ZFHX3: variants seen among roughly 807,000 people sequenced by gnomAD.
The protein encoded by ZFHX3 is zinc finger homeobox 3, also known as zinc finger homeobox protein 3.
Under a neutral mutation model 279.1 loss-of-function variants are expected in ZFHX3, and 42 were observed. The observed-to-expected ratio is 0.15, with a 90% CI of 0.12 to 0.19. The LOEUF (loss-of-function observed/expected upper bound fraction) is 0.19, where lower values mean the gene tolerates loss of function less well. Among genes scored for constraint, ZFHX3 ranks in the 10% least tolerant of loss-of-function variants. The pLI, the probability that ZFHX3 is intolerant of heterozygous loss-of-function variation, is 1.00. For missense variants in ZFHX3, 4,981 were observed against 4,754.0 expected (o/e 1.05, Z -1.40); for synonymous variants, 2,293 against 1,957.8 (o/e 1.17, Z -4.52).
At chr16:73,875,825 C>A (rs2029929657) in intron 1 of ZFHX3, among the ~76,000 whole-genome samples, 1 of 152,188 alleles carries the variant, frequency 6.6e-6, no homozygotes, top group African/African-American at 2.4e-5. Flanking sequence ...CACCATTAAT[C>A]ATCAATGACA....
intron 1 of ZFHX3, among the ~76,000 whole-genome samples, chr16:73,764,924 A>G (rs896465981): frequency 2.6e-5 from 4 of 152,256 alleles, no homozygotes; most frequent in African/African-American, 9.6e-5. Flanking sequence ...TGTCCTCTAG[A>G]AGTCAATGCC....
chr16:73,872,759 G>A (rs1424356932), intron 1 of ZFHX3, among the ~76,000 whole-genome samples: 1 of 79,872 alleles, frequency 1.3e-5, no homozygotes, highest in Non-Finnish European at 2.4e-5. Flanking sequence ...GGGGTTGGTG[G>A]TGGTGGTAGC....
chr16:73,100,101 A>G (rs1053157932), intron 7 of ZFHX3, among the ~76,000 whole-genome samples: 1 of 152,188 alleles, frequency 6.6e-6, no homozygotes, highest in African/African-American at 2.4e-5. Context: ...TACTGTTGAC[A>G]ATTCCGGGGC....
intron 1 of ZFHX3, among the ~76,000 whole-genome samples, chr16:73,020,499 A>C (rs934179803): frequency 2.6e-5 from 4 of 152,344 alleles, no homozygotes; most frequent in African/African-American, 9.6e-5. Context: ...CAGCTTCTGA[A>C]ATACACAGAA....
At chr16:73,115,377 C>CAAAAAAAAAAA (rs10685277) in intron 7 of ZFHX3, among the ~76,000 whole-genome samples, 1 of 80,722 alleles carries the variant, frequency 1.2e-5, no homozygotes. Context: ...CCTATCTCTA[C>CAAAAAAAAAAA]AAAAAAAAAA....
intron 1 of ZFHX3, among the ~76,000 whole-genome samples, chr16:72,994,984 G>C (rs1237267484): frequency 6.6e-6 from 1 of 152,182 alleles, no homozygotes; most frequent in Non-Finnish European, 1.5e-5. Flanking sequence ...TTACACCAAT[G>C]TGTTTTCCTG....
intron 1 of ZFHX3, among the ~76,000 whole-genome samples, chr16:73,023,905 T>A (rs969757957): frequency 2.0e-5 from 3 of 152,150 alleles, no homozygotes; most frequent in Admixed American, 6.5e-5. Flanking sequence ...AGGACAGGCT[T>A]ACGGGGAGGA....
chr16:73,103,751 A>G (rs1162108681), intron 7 of ZFHX3, among the ~76,000 whole-genome samples: 3 of 152,154 alleles, frequency 2.0e-5, no homozygotes, highest in Admixed American at 6.5e-5. Context: ...AGTGGCCTCA[A>G]TGCCTGTCCA....
At chr16:72,881,942 A>C (rs2038484457) in intron 4 of ZFHX3, among the ~76,000 whole-genome samples, 1 of 152,136 alleles carries the variant, frequency 6.6e-6, no homozygotes, top group Non-Finnish European at 1.5e-5. Context: ...GTGACTTGGG[A>C]TGTTTCGAAA....
At chr16:73,569,452 A>T (rs762676677) in intron 2 of ZFHX3, among the ~76,000 whole-genome samples, 25 of 151,828 alleles carry the variant, frequency 1.6e-4, no homozygotes, top group South Asian at 6.2e-4. Context: ...TCCCATTAAC[A>T]TAAATGCTGA....
chr16:73,562,322 G>A (rs1052732263), intron 2 of ZFHX3, among the ~76,000 whole-genome samples: 7 of 152,132 alleles, frequency 4.6e-5, no homozygotes, highest in Non-Finnish European at 7.3e-5. Context: ...GAGGCCGGGC[G>A]CGGTGGCTCA....
At chr16:73,713,314 A>G (rs1254001203) in intron 1 of ZFHX3, among the ~76,000 whole-genome samples, 1 of 152,110 alleles carries the variant, frequency 6.6e-6, no homozygotes, top group Non-Finnish European at 1.5e-5. Context: ...ATGCCTTTTT[A>G]TTTTTCTCCA....
intron 2 of ZFHX3, among the ~76,000 whole-genome samples, chr16:73,605,748 G>C (rs2052172474): frequency 6.6e-6 from 1 of 152,052 alleles, no homozygotes; most frequent in Admixed American, 6.6e-5. Flanking sequence ...TCTCTTCAAG[G>C]AACAGACAGT....
At chr16:73,341,351 T>C (rs148907484) in intron 3 of ZFHX3, among the ~76,000 whole-genome samples, 18 of 151,696 alleles carry the variant, frequency 1.2e-4, no homozygotes, top group African/African-American at 4.4e-4. Flanking sequence ...AAAATAATAA[T>C]AATAACAATA....
At chr16:73,345,568 T>C (rs912591864) in intron 3 of ZFHX3, among the ~76,000 whole-genome samples, 3 of 152,182 alleles carry the variant, frequency 2.0e-5, no homozygotes, top group Non-Finnish European at 4.4e-5. Context: ...GAGGACATGA[T>C]CTCGTTCCTT....
At chr16:73,705,917 C>T (rs565029702) in intron 1 of ZFHX3, among the ~76,000 whole-genome samples, 42 of 152,138 alleles carry the variant, frequency 2.8e-4, no homozygotes, top group Middle Eastern at 3.4e-3. Context: ...TGTAATGGTC[C>T]GACTCTTGTT....
rs567128582 is a variant in ZFHX3, at chr16:73,369,156, T to G, written c.-1290-50820A>C. 1.7e-3 allele frequency among the ~76,000 whole-genome samples: 258 copies of G among 152,364 alleles called. 2 individuals are homozygous for G. Among genetic ancestry groups the G allele is most frequent in the South Asian group, 4.1e-3 (20 of 4,826 alleles). On this transcript the variant is annotated intron_variant, in intron 3 of 17. Coordinates refer to the ZFHX3 transcript ENST00000641206. ...ATTATTGTCTCCTAAAATGCCATTCTATCACGCTTAAGCTAACAACTCCAG... is the reference window on the plus strand; with the variant it reads ...ATTATTGTCTCCTAAAATGCCATTCGATCACGCTTAAGCTAACAACTCCAG...
chr16:73,357,981 C>T lies in ZFHX3; in HGVS notation c.-1290-39645G>A, dbSNP rs141109220. ...ATCTCTCCCTGTGAGCCTCCCCCAT[C>T]CCCTCTCGGGAGCATCTTGCTGCTC... On this transcript the variant is annotated intron_variant, in intron 3 of 17. Coordinates refer to the ZFHX3 transcript ENST00000641206. Among the ~76,000 whole-genome samples, 5 of 152,358 alleles carry T rather than the reference C, an allele frequency of 3.3e-5. No individual in the cohort carries two copies. The East Asian group carries it at 5.8e-4, about 18-fold the overall frequency.
At chr16:73,730,352 C>CAAAAAAAAAAAAAAA (rs66477968) in intron 1 of ZFHX3, among the ~76,000 whole-genome samples, 2 of 81,166 alleles carry the variant, frequency 2.5e-5, no homozygotes, top group African/African-American at 1.0e-4. Flanking sequence ...CCTCCCCTCG[C>CAAAAAAAAAAAAAAA]AAAAAAAAAA....
Sources: allele counts gnomAD v4.1 joint callset (sites outside exome capture counted in the v4.1 genomes callset), GRCh38; gene constraint gnomAD v4.1.1; transcripts MANE v1.5; gene names NCBI Gene and HGNC (gene_info 2026-07-23, HGNC 2026-07-21).